SARDH: variants seen among roughly 807,000 people sequenced by gnomAD.
SARDH encodes sarcosine dehydrogenase, also known as sarcosine dehydrogenase, mitochondrial.
A neutral mutation model predicts 109.1 loss-of-function variants in SARDH; 95 were observed. The ratio of observed to expected loss-of-function variants is 0.87; its 90% CI spans 0.74 to 1.03. SARDH has a LOEUF of 1.03. Ranked by LOEUF, SARDH falls within the 50% of genes least tolerant of loss-of-function variation. The pLI is 0.00. For synonymous variants in SARDH, 572 were observed against 534.8 expected, an observed-to-expected ratio of 1.07 and a Z score of -0.96; for missense variants, 1,267 against 1,287.8, an observed-to-expected ratio of 0.98 and a Z score of 0.25.
chr9:133,679,625 C>T (rs1340120905), intron 17 of SARDH, among the ~76,000 whole-genome samples: 1 of 152,162 alleles, frequency 6.6e-6, no homozygotes, highest in South Asian at 2.1e-4. Context: ...TTGCTGGCCT[C>T]GAGGCAAGAT....
rs147962476 is a variant in SARDH at position 133,717,880 on chromosome 9, T to A, written c.1021-425A>T. 9.2e-3 allele frequency among the ~76,000 whole-genome samples: 1,397 copies of A among 152,258 alleles called. 18 individuals are homozygous for A. The highest frequency in any genetic ancestry group is 0.031 in the African/African-American group (1,301 of 41,546). ...AGGCCTTCACCCCTCAATGGGGCAG[T>A]TCTTCACCCAGACCTGGCACGCTGG... On this transcript the variant is annotated intron_variant, in intron 7 of 20. Coordinates refer to ENST00000439388, the MANE Select transcript of SARDH (RefSeq NM_001134707.2).
rs972947047 is a variant in SARDH, at chr9:133,692,218, C to T, written c.1922-1691G>A. On this transcript the variant is annotated intron_variant, in intron 15 of 20. Transcript: ENST00000439388. This position sits in a 1 kb window ranked among gnomAD's most constrained non-coding sequence, Gnocchi z 5.0. ...TCCACCAATGGGGGAAACTGAGGCTCGGGGGGGCAGGTCGCTGAGCCAGGT... is the reference window on the plus strand; with the variant it reads ...TCCACCAATGGGGGAAACTGAGGCTTGGGGGGGCAGGTCGCTGAGCCAGGT... 1.3e-5 allele frequency among the ~76,000 whole-genome samples: 2 copies of T among 151,956 alleles called. No homozygotes were observed. The highest frequency in any genetic ancestry group is 2.9e-5 in the Non-Finnish European group (2 of 67,958).
chr9:133,714,812 T>C lies in SARDH; in HGVS notation c.1151-1688A>G, dbSNP rs150318076. ...GATTGGGGAGGTAACCTGGGCTGGG[T>C]TTGGGGATGGCCCAGGGAGCACCTT... On this transcript the variant is annotated intron_variant, in intron 8 of 20. Transcript: ENST00000439388. 5.3e-5 allele frequency among the ~76,000 whole-genome samples: 8 copies of C among 151,958 alleles called. No individual in the cohort carries two copies. In the East Asian group the frequency reaches 1.4e-3, roughly 26 times the overall value.
chr9:133,666,852 G>A lies in SARDH; in HGVS notation c.2514C>T (p.Gly838=). ...FTMEDKVPMF[G]LEAIWRNGQV... is the part of the protein sequence containing the mutation. ...GGCCGTTCCTCCAGATGGCCTCCAG[G>A]CCAAACATGGGTACTTTGCTGGAAG... The change falls in exon 20 of 21, where the codon GGC becomes GGT. Residue 838 remains glycine (G), a synonymous_variant. Coordinates refer to ENST00000439388, the MANE Select transcript of SARDH (RefSeq NM_001134707.2). The surrounding 1 kb of genome is among the most constrained non-coding windows in gnomAD (Gnocchi z 5.2). 1 of 1,612,266 alleles carries A rather than the reference G, an allele frequency of 6.2e-7. No individual in the cohort carries two copies. The highest frequency in any genetic ancestry group is 1.7e-5 in the Admixed American group (1 of 59,836).
At chr9:133,708,974 C>G (rs1831811375) in intron 10 of SARDH, among the ~76,000 whole-genome samples, 1 of 152,172 alleles carries the variant, frequency 6.6e-6, no homozygotes, top group African/African-American at 2.4e-5. Context: ...CCCATCAGGC[C>G]TCCCCAAGTC....
At chr9:133,726,760 C>A (rs1832507584) in intron 6 of SARDH, among the ~76,000 whole-genome samples, 1 of 152,212 alleles carries the variant, frequency 6.6e-6, no homozygotes, top group South Asian at 2.1e-4. Flanking sequence ...CTGATCCCTG[C>A]CTGATTGCTC....
chr9:133,694,395 G>A (rs1282067523), intron 14 of SARDH, 24 bp from the exon 15 acceptor site: 1 of 1,537,048 alleles, frequency 6.5e-7, no homozygotes, highest in South Asian at 1.2e-5. Flanking sequence ...AAGGAAGCCG[G>A]GTCTGTGCTG....
At chr9:133,684,329 G>A (rs185227533) in intron 17 of SARDH, among the ~76,000 whole-genome samples, 7 of 152,248 alleles carry the variant, frequency 4.6e-5, no homozygotes, top group Non-Finnish European at 1.0e-4. Flanking sequence ...GCTGAGGTTG[G>A]GAGACCCTGT....
chr9:133,676,601 G>A (rs1228905568), intron 17 of SARDH, among the ~76,000 whole-genome samples: 1 of 152,244 alleles, frequency 6.6e-6, no homozygotes, highest in East Asian at 1.9e-4. Flanking sequence ...AGGCCGGGGG[G>A]TGTAGACACA....
At chr9:133,710,130 G>GA (rs1244888949) in intron 10 of SARDH, among the ~76,000 whole-genome samples, 2 of 152,198 alleles carry the variant, frequency 1.3e-5, no homozygotes, top group Non-Finnish European at 2.9e-5. Context: ...GAATTTCCCT[G>GA]AAAAAACAGC....
chr9:133,675,438 C>T (rs1046873841), intron 17 of SARDH, among the ~76,000 whole-genome samples: 5 of 152,126 alleles, frequency 3.3e-5, no homozygotes, highest in South Asian at 2.1e-4. Context: ...AGATGCTCCA[C>T]GTCACTACCC....
At chr9:133,729,668 C>T (rs1832605386) in intron 6 of SARDH, 97 bp downstream of exon 6, 2 of 1,025,932 alleles carry the variant, frequency 1.9e-6, no homozygotes, top group African/African-American at 1.6e-5. Flanking sequence ...AGTGAGGGGA[C>T]CCACAAGGGT....
rs1011329097 is a variant in SARDH, at chr9:133,712,392, C to T, written c.1328+227G>A. On this transcript the variant is annotated intron_variant, in intron 10 of 20. Coordinates refer to ENST00000439388, the MANE Select transcript of SARDH (RefSeq NM_001134707.2). This position sits in a 1 kb window ranked among gnomAD's most constrained non-coding sequence, Gnocchi z 4.1. ...AGCTGTCCAGGGGCTCAGGCAGGACCCTGGGACAAGAGATCTTCAAAGCTG... is the reference window on the plus strand; with the variant it reads ...AGCTGTCCAGGGGCTCAGGCAGGACTCTGGGACAAGAGATCTTCAAAGCTG... 6.6e-6 allele frequency among the ~76,000 whole-genome samples: 1 copy of T among 152,044 alleles called. No individual in the cohort carries two copies. Among genetic ancestry groups the T allele is most frequent in the Admixed American group, 6.6e-5 (1 of 15,262 alleles).
intron 1 of SARDH, among the ~76,000 whole-genome samples, chr9:133,734,412 T>C (rs10993781): frequency 0.68 from 84,688 of 125,008 alleles, 29,577 homozygotes; most frequent in Non-Finnish European, 0.76. Flanking sequence ...CATTCACTCA[T>C]TCATTCATTC....
chr9:133,728,784 GAATGGTTGGATT>G lies in SARDH; in HGVS notation c.915+969_915+980del, dbSNP rs1201352110. 6.8e-6 allele frequency among the ~76,000 whole-genome samples: 1 copy of G among 146,706 alleles called. No homozygotes were observed. The highest frequency in any genetic ancestry group is 1.5e-5 in the Non-Finnish European group (1 of 66,314). On this transcript the variant is annotated intron_variant, in intron 6 of 20. Transcript: ENST00000439388. The surrounding 1 kb of genome is among the most constrained non-coding windows in gnomAD (Gnocchi z 5.0). ...ATGCAGAGAGGGTTCAATGGAATGT[GAATGGTTGGATT>G]AATATGTGGGTGGATGCTGAAGGAA...
chr9:133,684,168 G>A (rs376588542), intron 17 of SARDH, among the ~76,000 whole-genome samples: 24 of 152,334 alleles, frequency 1.6e-4, no homozygotes, highest in African/African-American at 3.8e-4. Context: ...TGCCCCCAGC[G>A]GACCCTTGGC....
In SARDH at chr9:133,718,905, C is replaced by G; in HGVS notation, c.1020+33G>C. 6.6e-7 allele frequency: 1 copy of G among 1,515,754 alleles called. No homozygotes were observed. The highest frequency in any genetic ancestry group is 9.2e-7 in the Non-Finnish European group (1 of 1,091,044). 93.9% of individuals were successfully genotyped at this position (1,515,754 alleles called of 1,614,324 possible). A position where few individuals can be genotyped will look rare whatever the true frequency, so the allele number is the denominator to read the frequency against. On this transcript the variant is annotated intron_variant, in intron 7 of 20. Transcript: ENST00000439388. The surrounding 1 kb of genome is among the most constrained non-coding windows in gnomAD (Gnocchi z 4.2). The stretch of plus-strand genomic sequence containing the variant: ...TCCATGCTGAGATGCAGCCCCAACT[C>G]CCTCCCATTATCCCAGGGCCCTGGC...
chr9:133,730,472 A>ATTTTT (rs778714970), intron 4 of SARDH, among the ~76,000 whole-genome samples: 28 of 88,998 alleles, frequency 3.1e-4, no homozygotes, highest in African/African-American at 9.6e-4. Flanking sequence ...CTTTTTTTTA[A>ATTTTT]AAAAAAAAAG....
chr9:133,717,553 G>C (rs1238135031), intron 7 of SARDH, 98 bp from the exon 8 acceptor site: 24 of 1,523,776 alleles, frequency 1.6e-5, no homozygotes, highest in Non-Finnish European at 1.8e-6. Flanking sequence ...GCCAGCCTCT[G>C]CTGAATCAGA....
Sources: allele counts gnomAD v4.1 joint callset (sites outside exome capture counted in the v4.1 genomes callset), GRCh38; gene constraint gnomAD v4.1.1; non-coding constraint Gnocchi (gnomAD v3.1); transcripts MANE v1.5; gene names NCBI Gene and HGNC (gene_info 2026-07-23, HGNC 2026-07-21).